Variants in NFATC1 observed in about 807,000 individuals in gnomAD.
The protein encoded by NFATC1 is nuclear factor of activated T-cells, cytoplasmic 1.
In NFATC1, 22 loss-of-function variants were observed where a neutral mutation model predicts 76.0. That is an observed-to-expected ratio of 0.29 (90% CI 0.21 to 0.41). The LOEUF is 0.41. Among genes scored for constraint, NFATC1 ranks in the 10% least tolerant of loss-of-function variants. The pLI is 1.00. For missense variants in NFATC1, 1,357 were observed against 1,337.7 expected, an observed-to-expected ratio of 1.01 and a Z score of -0.23; for synonymous variants, 704 against 613.1, an observed-to-expected ratio of 1.15 and a Z score of -2.19.
At chr18:79,429,538 G>A (rs968235387) in intron 2 of NFATC1, among the ~76,000 whole-genome samples, 4 of 152,138 alleles carry the variant, frequency 2.6e-5, no homozygotes, top group South Asian at 2.1e-4. Context: ...ACTGAAGCAC[G>A]CCTGCCCGAG....
At chr18:79,427,630 G>A (rs2086415204) in intron 2 of NFATC1, among the ~76,000 whole-genome samples, 1 of 126,514 alleles carries the variant, frequency 7.9e-6, no homozygotes, top group Non-Finnish European at 1.6e-5. Flanking sequence ...TGGACAGCTG[G>A]CCTCTGTGCG....
Position 79,438,965 on chromosome 18 carries a change from G to A in NFATC1, c.1386+5227G>A, listed in dbSNP as rs185761318. Among the ~76,000 whole-genome samples, 226 of 152,360 alleles carry A rather than the reference G, an allele frequency of 1.5e-3. 1 individual carries two copies. Among genetic ancestry groups the A allele is most frequent in the South Asian group, 5.0e-3 (24 of 4,828 alleles). On this transcript the variant is annotated intron_variant, in intron 3 of 9. Coordinates refer to ENST00000427363, the MANE Select transcript of NFATC1 (RefSeq NM_001278669.2). ...TGAAGACCAAGGAGTGGAGCCTCCCGTGAGGCAGCTCTTCTTTTCCGGTTG... is the reference window on the plus strand; with the variant it reads ...TGAAGACCAAGGAGTGGAGCCTCCCATGAGGCAGCTCTTCTTTTCCGGTTG...
intron 9 of NFATC1, among the ~76,000 whole-genome samples, chr18:79,503,906 T>C (rs909688235): frequency 6.6e-6 from 1 of 152,238 alleles, no homozygotes; most frequent in Admixed American, 6.5e-5. Context: ...TGGAGATGGC[T>C]TCTTTCCTTC....
Position 79,410,428 on chromosome 18 carries a change from C to T in NFATC1, c.153C>T (p.Asn51=), listed in dbSNP as rs150374931. ...EEEHYGYASS[N]VSPALPLPTA... ...AACACTATGGCTATGCATCCTCCAA[C>T]GTCAGCCCCGCCCTGCCGCTCCCCA... The change falls in exon 2 of 10, where the codon AAC becomes AAT. Residue 51 remains asparagine, a synonymous_variant. Transcript: ENST00000427363. This position sits in a 1 kb window ranked among gnomAD's most constrained non-coding sequence, Gnocchi z 6.7. The T allele has an allele frequency of 0.012, 18,852 of 1,611,122 alleles. 158 individuals carry two copies. Among genetic ancestry groups the T allele is most frequent in the Non-Finnish European group, 0.014 (16,814 of 1,179,340 alleles).
Position 79,478,955 on chromosome 18 carries a change from C to T in NFATC1, c.2093-7293C>T, listed in dbSNP as rs560665388. ...CAGCTCTGCACGCCGCTGACCACTG[C>T]GCGCCGCCTCCACAGACAGTCCCCA... On this transcript the variant is annotated intron_variant, in intron 8 of 9. Transcript: ENST00000427363. 3.7e-3 allele frequency among the ~76,000 whole-genome samples: 567 copies of T among 152,334 alleles called. 8 individuals are homozygous for T. The highest frequency in any genetic ancestry group is 5.8e-3 in the East Asian group (30 of 5,164).
At chr18:79,474,952 TTC>T (rs2088986834) in intron 8 of NFATC1, among the ~76,000 whole-genome samples, 1 of 129,020 alleles carries the variant, frequency 7.8e-6, no homozygotes, top group Non-Finnish European at 1.6e-5. Context: ...GGGAAGCGTG[TTC>T]TCACGCTCAC....
Position 79,448,977 on chromosome 18 carries a change from C to G in NFATC1, c.1582C>G (p.Arg528Gly). ...CCCACTCCTGCCGGAGAACAGCATG[C>G]GAGCCGTGTAAGCCGCGGGGGACCT... The part of the protein sequence containing the change: ...EIPLLPENSM[R>G]AVIDCAGILK... Residue 528 changes from arginine to glycine, a missense_variant, in exon 4 of 10, where the codon CGA becomes GGA. Transcript: ENST00000427363. 1 of 1,613,048 alleles carries G rather than the reference C, an allele frequency of 6.2e-7. No homozygotes were observed. Among genetic ancestry groups the G allele is most frequent in the Non-Finnish European group, 8.5e-7 (1 of 1,179,964 alleles).
intron 9 of NFATC1, among the ~76,000 whole-genome samples, chr18:79,507,481 G>C (rs2090143096): frequency 6.6e-6 from 1 of 152,272 alleles, no homozygotes; most frequent in African/African-American, 2.4e-5. Flanking sequence ...TGCCAAGGGA[G>C]CCCCTGCCCT....
intron 3 of NFATC1, among the ~76,000 whole-genome samples, chr18:79,441,225 C>T (rs1257607461): frequency 6.6e-6 from 1 of 152,160 alleles, no homozygotes; most frequent in African/African-American, 2.4e-5. Context: ...CTGCAGGGTG[C>T]GGGCCCTGAA....
At chr18:79,449,591 G>A (rs754423751) in intron 4 of NFATC1, among the ~76,000 whole-genome samples, 4 of 152,212 alleles carry the variant, frequency 2.6e-5, no homozygotes, top group Non-Finnish European at 4.4e-5. Flanking sequence ...GGGGGGAACC[G>A]AAAACAGACA....
chr18:79,479,925 C>T (rs149905998), intron 8 of NFATC1, among the ~76,000 whole-genome samples: 4 of 152,344 alleles, frequency 2.6e-5, no homozygotes, highest in Non-Finnish European at 5.9e-5. Context: ...GCTGAGAAAC[C>T]ATCCGGCCAA....
intron 1 of NFATC1, among the ~76,000 whole-genome samples, chr18:79,406,371 C>T (rs531018724): frequency 2.6e-5 from 4 of 152,006 alleles, no homozygotes; most frequent in African/African-American, 4.8e-5. Context: ...CCTGAAGAGC[C>T]GGTTGAAGGC....
intron 6 of NFATC1, among the ~76,000 whole-genome samples, chr18:79,455,682 GA>G (rs2087672778): frequency 6.6e-6 from 1 of 151,882 alleles, no homozygotes; most frequent in South Asian, 2.1e-4. Flanking sequence ...CCTCCCCTGA[GA>G]AACCCCAGAC....
chr18:79,419,123 A>C (rs1020805069), intron 2 of NFATC1, among the ~76,000 whole-genome samples: 1 of 152,164 alleles, frequency 6.6e-6, no homozygotes, highest in Non-Finnish European at 1.5e-5. Flanking sequence ...TCCTGGGCTC[A>C]GGTGACCCTC....
At chr18:79,425,749 G>A (rs950469292) in intron 2 of NFATC1, among the ~76,000 whole-genome samples, 2 of 152,226 alleles carry the variant, frequency 1.3e-5, no homozygotes, top group African/African-American at 4.8e-5. Flanking sequence ...CAGGGCCTCA[G>A]GCTCAGCTCT....
intron 2 of NFATC1, among the ~76,000 whole-genome samples, chr18:79,413,403 G>C (rs777782762): frequency 5.3e-5 from 8 of 152,320 alleles, no homozygotes; most frequent in Non-Finnish European, 1.2e-4. Flanking sequence ...GGCTGTGAGG[G>C]AGCATCTGCC....
At chr18:79,495,075 G>A (rs1293668918) in intron 9 of NFATC1, among the ~76,000 whole-genome samples, 1 of 152,250 alleles carries the variant, frequency 6.6e-6, no homozygotes, top group East Asian at 1.9e-4. Flanking sequence ...TGAGGAAATG[G>A]GGGCAAGGAT....
chr18:79,423,819 A>G (rs2086185708), intron 2 of NFATC1, among the ~76,000 whole-genome samples: 1 of 152,084 alleles, frequency 6.6e-6, no homozygotes, highest in Non-Finnish European at 1.5e-5. Flanking sequence ...TCCCATGGGC[A>G]CAGAGCTTGG....
chr18:79,401,176 C>T (rs1019686575), intron 1 of NFATC1, among the ~76,000 whole-genome samples: 3 of 150,318 alleles, frequency 2.0e-5, no homozygotes, highest in Non-Finnish European at 3.0e-5. Context: ...TCCCGCTGCC[C>T]GGGATCTCTT....
Sources: gnomAD v4.1 joint callset for allele counts (sites outside exome capture counted in the v4.1 genomes callset) on GRCh38, gnomAD v4.1.1 for gene constraint, Gnocchi (gnomAD v3.1) non-coding constraint, MANE v1.5 for transcripts, NCBI Gene and HGNC (gene_info 2026-07-23, HGNC 2026-07-21) for gene names.